Variants in RGS3 observed in about 807,000 individuals in gnomAD.
RGS3 encodes the protein regulator of G protein signaling 3, also known as regulator of G-protein signalling 3.
In RGS3, 80 loss-of-function variants were observed where a neutral mutation model predicts 132.6. The ratio of observed to expected loss-of-function variants is 0.60; its 90% CI spans 0.50 to 0.73. The LOEUF is 0.73. RGS3 is among the 30% of genes least tolerant of loss of function. The probability of loss-of-function intolerance (pLI) is 0.00; values close to 1 mark genes in which losing one functional copy is unlikely to be tolerated. For missense variants in RGS3, 1,382 were observed against 1,530.8 expected, an observed-to-expected ratio of 0.90 and a Z score of 1.62; for synonymous variants, 598 against 620.6, an observed-to-expected ratio of 0.96 and a Z score of 0.54.
At chr9:113,510,629 C>G (rs1403047624) in intron 14 of RGS3, among the ~76,000 whole-genome samples, 1 of 152,142 alleles carries the variant, frequency 6.6e-6, no homozygotes, top group East Asian at 1.9e-4. Context: ...TTCTGTGTCT[C>G]CCTTCTGTGC....
intron 6 of RGS3, 37 bp downstream of exon 4, chr9:113,484,269 G>C: frequency 1.7e-6 from 2 of 1,148,402 alleles, no homozygotes; most frequent in Non-Finnish European, 2.6e-6. Context: ...AGAAAGGAGA[G>C]GGAAGGAGTG....
chr9:113,541,510 T>G, intron 19 of RGS3: 1 of 1,559,380 alleles, frequency 6.4e-7, no homozygotes, highest in Non-Finnish European at 8.7e-7. Flanking sequence ...TCACCTCAAC[T>G]GGACCTGAAA....
At chr9:113,550,684 ATT>A (rs1326261138) in intron 19 of RGS3, among the ~76,000 whole-genome samples, 3 of 152,174 alleles carry the variant, frequency 2.0e-5, no homozygotes, top group Non-Finnish European at 4.4e-5. Flanking sequence ...AACATGGTAT[ATT>A]GTTACATTTT....
At chr9:113,481,516 G>C (rs989712527) in intron 4 of RGS3, among the ~76,000 whole-genome samples, 3 of 152,236 alleles carry the variant, frequency 2.0e-5, no homozygotes, top group Admixed American at 1.3e-4. Context: ...TTCCCAAGGA[G>C]CAGCAGAGGG....
At chr9:113,492,897 G>A (rs1830564687) in intron 7 of RGS3, among the ~76,000 whole-genome samples, 1 of 152,182 alleles carries the variant, frequency 6.6e-6, no homozygotes, top group African/African-American at 2.4e-5. Flanking sequence ...AGTAAAACTC[G>A]AGGGAGGCTA....
At chr9:113,490,336 C>A (rs1257446956) in intron 7 of RGS3, among the ~76,000 whole-genome samples, 3 of 152,032 alleles carry the variant, frequency 2.0e-5, no homozygotes, top group African/African-American at 7.2e-5. Flanking sequence ...TCCCCTTCTC[C>A]AGTGAATTAT....
At chr9:113,505,456 G>A (rs779020752) in exon 11 of RGS3, 3 of 1,614,174 alleles carry the variant, frequency 1.9e-6, no homozygotes, top group Non-Finnish European at 2.5e-6. Flanking sequence ...CCATCCCGAG[G>A]GGAAAGGACG....
chr9:113,587,513 G>A (rs916410532), intron 20 of RGS3, among the ~76,000 whole-genome samples: 3 of 152,170 alleles, frequency 2.0e-5, no homozygotes, highest in Admixed American at 1.3e-4. Context: ...AATGGAACAC[G>A]GAGTCCCCCG....
chr9:113,494,146 A>C (rs977245669), intron 7 of RGS3, among the ~76,000 whole-genome samples: 2 of 152,194 alleles, frequency 1.3e-5, no homozygotes, highest in South Asian at 2.1e-4. Context: ...TTAAAAAAAA[A>C]CTCTTACTGT....
chr9:113,478,178 G>T (rs142560591), intron 3 of RGS3, among the ~76,000 whole-genome samples: 1 of 152,000 alleles, frequency 6.6e-6, no homozygotes, highest in African/African-American at 2.4e-5. Context: ...TTCCAGCCCC[G>T]TCCTTCTGTT....
chr9:113,537,031 T>G lies in RGS3; in HGVS notation c.2037+113T>G. The G allele has an allele frequency of 9.9e-7, 1 of 1,005,548 alleles. No individual in the cohort carries two copies. The highest frequency in any genetic ancestry group is 1.5e-6 in the Non-Finnish European group (1 of 682,890). The allele number at this position is 1,005,548 out of a possible 1,614,324, so 62.3% of individuals were successfully genotyped here. ...CCAGCCTGAGCTTCCAACTTGGCTCTGGGCAATGAGCTCTTGGCAAGCGGG... is the reference window on the plus strand; with the variant it reads ...CCAGCCTGAGCTTCCAACTTGGCTCGGGGCAATGAGCTCTTGGCAAGCGGG... On this transcript the variant is annotated intron_variant, in intron 19 of 24. Transcript: ENST00000350696. This position sits in a 1 kb window ranked among gnomAD's most constrained non-coding sequence, Gnocchi z 4.3.
chr9:113,515,734 A>G (rs530871249), intron 15 of RGS3, among the ~76,000 whole-genome samples: 16 of 152,382 alleles, frequency 1.0e-4, no homozygotes, highest in Non-Finnish European at 1.9e-4. Context: ...GCATATGCAC[A>G]TTAAAAAACA....
exon 9 of RGS3, chr9:113,497,375 T>A: frequency 6.2e-7 from 1 of 1,613,644 alleles, no homozygotes; most frequent in Non-Finnish European, 8.5e-7. Context: ...CACTTGAAGG[T>A]GGCCAGGCGG....
At chr9:113,451,237 T>C (rs1239530079) in intron 1 of RGS3, among the ~76,000 whole-genome samples, 1 of 151,940 alleles carries the variant, frequency 6.6e-6, no homozygotes, top group African/African-American at 2.4e-5. Flanking sequence ...GGAAAGAATC[T>C]GGAAGCAAAG....
intron 23 of RGS3, 156 bp downstream of exon 21, chr9:113,595,136 G>A: frequency 1.4e-6 from 1 of 695,938 alleles, no homozygotes; most frequent in South Asian, 1.8e-5. Flanking sequence ...CCCAAGCTGA[G>A]GCCCTTGGTC....
rs182742652 is a variant in RGS3 at position 113,588,356 on chromosome 9, A to G, written c.3016-2977A>G. On this transcript the variant is annotated intron_variant, in intron 20 of 24. Transcript: ENST00000350696. Reference sequence around the variant, plus strand: ...AAATCCACTGTTTCCACGTGGTTCCATGGGGCCTGCCAGCCTGGGCTGGAT... The same window carrying G: ...AAATCCACTGTTTCCACGTGGTTCCGTGGGGCCTGCCAGCCTGGGCTGGAT... Among the ~76,000 whole-genome samples, 63 of 152,372 alleles carry G rather than the reference A, an allele frequency of 4.1e-4. 1 individual carries two copies. Among genetic ancestry groups the G allele is most frequent in the Admixed American group, 4.1e-3 (62 of 15,306 alleles).
chr9:113,531,431 C>A (rs1832459404), intron 18 of RGS3, among the ~76,000 whole-genome samples: 1 of 152,022 alleles, frequency 6.6e-6, no homozygotes, highest in African/African-American at 2.4e-5. Flanking sequence ...CTGGTTCTAC[C>A]CTGCAGGGTT....
intron 15 of RGS3, among the ~76,000 whole-genome samples, chr9:113,516,817 C>T (rs1026570824): frequency 5.3e-5 from 8 of 152,230 alleles, no homozygotes; most frequent in African/African-American, 1.9e-4. Flanking sequence ...CCACCTCAGC[C>T]TCCCAAGTAG....
At chr9:113,541,550 A>C in intron 19 of RGS3, 9 of 1,479,370 alleles carry the variant, frequency 6.1e-6, no homozygotes, top group Non-Finnish European at 8.1e-6. Context: ...GTCTAGGGTC[A>C]TCTGAAGGGA....
Sources: allele counts gnomAD v4.1 joint callset (sites outside exome capture counted in the v4.1 genomes callset), GRCh38; gene constraint gnomAD v4.1.1; non-coding constraint Gnocchi (gnomAD v3.1); transcripts MANE v1.5; gene names NCBI Gene and HGNC (gene_info 2026-07-23, HGNC 2026-07-21).